The following CD200 variants were observed in gnomAD, a reference collection of about 807,000 sequenced individuals.
CD200 encodes the protein CD200 molecule.
CD200 carries 15 observed loss-of-function variants against 30.9 expected under a neutral mutation model. The ratio of observed to expected loss-of-function variants is 0.49; its 90% CI spans 0.32 to 0.75. The LOEUF (loss-of-function observed/expected upper bound fraction) is 0.75. CD200 is among the 30% of genes least tolerant of loss of function. The probability of loss-of-function intolerance (pLI) is 0.03; values close to 1 mark genes in which losing one functional copy is unlikely to be tolerated. For missense variants in CD200, 262 were observed against 324.2 expected (o/e 0.81, Z 1.47); for synonymous variants, 134 against 126.2 (o/e 1.06, Z -0.41).
rs2081352989 is a variant in CD200 at position 112,345,043 on chromosome 3, C to T, written c.176C>T (p.Ala59Val). The T allele has an allele frequency of 3.1e-6, 5 of 1,614,054 alleles. No homozygotes were observed. The highest frequency in any genetic ancestry group is 3.4e-6 in the Non-Finnish European group (4 of 1,179,970). The change falls in exon 3 of 6, where the codon GCC becomes GTC. Residue 59 changes from alanine (A) to valine (V), a missense_variant. By Grantham distance (64) the Ala-to-Val change is moderately conservative. Coordinates refer to ENST00000315711, the MANE Select transcript of CD200 (RefSeq NM_005944.7). ...TGCTCTCTGCAAAATGCCCAGGAAG[C>T]CCTCATTGTGACATGGCAGAAAAAG... is the stretch of plus-strand genomic sequence containing the variant. Reference protein sequence around the residue: ...LKCSLQNAQEALIVTWQKKKA... With the variant: ...LKCSLQNAQEVLIVTWQKKKA...
At chr3:112,342,399 T>C (rs1229554234) in intron 2 of CD200, among the ~76,000 whole-genome samples, 3 of 67,900 alleles carry the variant, frequency 4.4e-5, no homozygotes, top group Non-Finnish European at 6.0e-5. Context: ...CTTTCTTTCT[T>C]TCTTTCTTTC....
In CD200 at chr3:112,342,326, T is replaced by TTTCCTTCC. The variant is rs1559783041; in HGVS notation, c.94+1346_94+1347insCTTCCTTC. 1.9e-4 allele frequency among the ~76,000 whole-genome samples: 6 copies of TTTCCTTCC among 32,192 alleles called. 1 individual carries two copies. Among genetic ancestry groups the TTTCCTTCC allele is most frequent in the Non-Finnish European group, 3.4e-4 (6 of 17,464 alleles). The allele number at this position is 32,192 out of a possible 152,430, so 21.1% of individuals were successfully genotyped here. A position where few individuals can be genotyped will look rare whatever the true frequency, so the allele number is the denominator to read the frequency against. On this transcript the variant is annotated intron_variant, in intron 2 of 5. Coordinates refer to ENST00000315711, the MANE Select transcript of CD200 (RefSeq NM_005944.7). ...CCTTCCTTTCTTCTTTCTTTCTTTC[T>TTTCCTTCC]TTCTTTCTTTCCTTCTTTCTTTCTT...
chr3:112,355,498 C>A (rs935819016), intron 5 of CD200, among the ~76,000 whole-genome samples: 9 of 152,040 alleles, frequency 5.9e-5, no homozygotes, highest in Admixed American at 3.9e-4. Context: ...ATAAGCATCC[C>A]GTAAACACAA....
intron 5 of CD200, 55 bp downstream of exon 5, chr3:112,349,874 G>A: frequency 6.5e-7 from 1 of 1,530,928 alleles, no homozygotes; most frequent in East Asian, 2.4e-5. Context: ...GATTTTTAAT[G>A]ACAATTTGTG....
At chr3:112,344,079 C>G (rs1169269241) in intron 2 of CD200, among the ~76,000 whole-genome samples, 1 of 152,140 alleles carries the variant, frequency 6.6e-6, no homozygotes, top group Non-Finnish European at 1.5e-5. Flanking sequence ...TTTTCTATAT[C>G]TCTAATTTCT....
Position 112,362,411 on chromosome 3 carries a change from CAT to C in CD200, c.*865_*866del, listed in dbSNP as rs1559795802. 1 of 152,458 alleles carries C rather than the reference CAT, an allele frequency of 6.6e-6. No homozygotes were observed. The highest frequency in any genetic ancestry group is 1.5e-5 in the Non-Finnish European group (1 of 68,042). The allele number at this position is 152,458 out of a possible 1,614,324, so 9.4% of individuals were successfully genotyped here. On this transcript the variant is annotated 3_prime_UTR_variant, in exon 6 of 6. Transcript: ENST00000315711. ...TTTTACGTCATTCTAAATTCAGCCT[CAT>C]ATAATGAAAATACATTATGAAAACA...
intron 5 of CD200, among the ~76,000 whole-genome samples, chr3:112,354,219 C>A (rs1440288190): frequency 6.6e-6 from 1 of 152,142 alleles, no homozygotes; most frequent in African/African-American, 2.4e-5. Flanking sequence ...ATCAAGACAT[C>A]TCAGTCTCCT....
chr3:112,335,733 GAGACTCCTTGTCTCTGGC>G, intron 1 of CD200: 1 of 557,912 alleles, frequency 1.8e-6, no homozygotes, highest in Non-Finnish European at 3.2e-6. Flanking sequence ...GATAGTGATG[GAGACTCCTTGTCTCTGGC>G]AGTTAGAGTG....
intron 2 of CD200, among the ~76,000 whole-genome samples, chr3:112,342,317 CTTTCTTTCT>C (rs1559782904): frequency 0.09 from 3,755 of 41,698 alleles, 445 homozygotes; most frequent in Admixed American, 0.11. Flanking sequence ...TTTCTTCTTT[CTTTCTTTCT>C]TTCTTTCTTT....
At chr3:112,345,693 C>T (rs1460165307) in intron 3 of CD200, among the ~76,000 whole-genome samples, 4 of 152,236 alleles carry the variant, frequency 2.6e-5, no homozygotes, top group Non-Finnish European at 5.9e-5. Flanking sequence ...GGGTCACTTA[C>T]AACTTCAACT....
chr3:112,336,408 G>A (rs1287419781), intron 1 of CD200, among the ~76,000 whole-genome samples: 1 of 151,992 alleles, frequency 6.6e-6, no homozygotes, highest in Non-Finnish European at 1.5e-5. Flanking sequence ...AAATCCCAGA[G>A]AAATTGAAAG....
chr3:112,361,434 C>G, intron 5 of CD200, 109 bp from the exon 6 acceptor site: 1 of 909,244 alleles, frequency 1.1e-6, no homozygotes, highest in Non-Finnish European at 1.8e-6. Context: ...TGAATATACA[C>G]TAGAATAACT....
intron 2 of CD200, among the ~76,000 whole-genome samples, chr3:112,342,982 TGTG>T (rs1164151663): frequency 6.6e-6 from 1 of 152,108 alleles, no homozygotes; most frequent in Non-Finnish European, 1.5e-5. Context: ...TTGAGTAAAG[TGTG>T]TGTGTCTGTG....
At chr3:112,351,947 C>T (rs2108462836) in intron 5 of CD200, among the ~76,000 whole-genome samples, 1 of 152,248 alleles carries the variant, frequency 6.6e-6, no homozygotes, top group East Asian at 1.9e-4. Flanking sequence ...TGGGAACTAA[C>T]AGAGAGAGAA....
At chr3:112,348,112 T>C (rs1418332050) in intron 4 of CD200, among the ~76,000 whole-genome samples, 1 of 152,216 alleles carries the variant, frequency 6.6e-6, no homozygotes, top group African/African-American at 2.4e-5. Context: ...AGGTCTGTTC[T>C]GGGCCAGACT....
At chr3:112,333,253 G>A (rs1025152605) in intron 1 of CD200, 29 bp downstream of exon 1, 2 of 1,547,530 alleles carry the variant, frequency 1.3e-6, no homozygotes, top group Non-Finnish European at 1.7e-6. Flanking sequence ...TGGGAAGGAG[G>A]GCGCAGGGCA....
At position 112,349,799 on chromosome 3, in the gene CD200, G is replaced by A. The variant is rs190683466; in HGVS notation, c.782G>A (p.Arg261His). 2.9e-5 allele frequency: 47 copies of A among 1,609,938 alleles called. No homozygotes were observed. The highest frequency in any genetic ancestry group is 1.3e-4 in the South Asian group (12 of 90,052). The change falls in exon 5 of 6, where the codon CGT becomes CAT. Residue 261 changes from arginine to histidine, a missense_variant. Transcript: ENST00000315711. ...ATCTCAATCTTACTGTACTGGAAAC[G>A]TCACCGGAATCAGGACCGAGGTGAG... ...VLISILLYWKRHRNQDREP is the reference protein window; with the variant it reads ...VLISILLYWKHHRNQDREP
rs2081749285 is a variant in CD200 at position 112,361,914 on chromosome 3, G to C, written c.*364G>C. The C allele has an allele frequency of 4.2e-6, 1 of 237,782 alleles. No homozygotes were observed. Among genetic ancestry groups the C allele is most frequent in the South Asian group, 1.4e-4 (1 of 7,020 alleles). The allele number at this position is 237,782 out of a possible 1,614,324, so 14.7% of individuals were successfully genotyped here. On this transcript the variant is annotated 3_prime_UTR_variant, in exon 6 of 6. Coordinates refer to ENST00000315711, the MANE Select transcript of CD200 (RefSeq NM_005944.7). ...ACTTTACCTCATCCAAAGTATAAAG[G>C]AATTGGACCAAATAATTTACCACAT...
intron 5 of CD200, among the ~76,000 whole-genome samples, chr3:112,355,773 C>A (rs2081612760): frequency 6.6e-6 from 1 of 151,958 alleles, no homozygotes; most frequent in South Asian, 2.1e-4. Context: ...TGCAGTAGAG[C>A]AGTTCTTCCA....
Sources: allele counts gnomAD v4.1 joint callset (sites outside exome capture counted in the v4.1 genomes callset), GRCh38; gene constraint gnomAD v4.1.1; transcripts MANE v1.5; gene names NCBI Gene and HGNC (gene_info 2026-07-23, HGNC 2026-07-21).